MAGI3: variants seen among roughly 807,000 people sequenced by gnomAD.
The protein encoded by MAGI3 is membrane associated guanylate kinase, WW and PDZ domain containing 3.
A neutral mutation model predicts 121.8 loss-of-function variants in MAGI3; 43 were observed. The observed-to-expected ratio is 0.35, with a 90% CI of 0.28 to 0.46. The LOEUF is 0.46. MAGI3 is among the 20% of genes least tolerant of loss of function. The pLI is 1.00. For missense variants in MAGI3, 1,547 were observed against 1,797.3 expected (o/e 0.86, Z 2.52); for synonymous variants, 553 against 639.3 (o/e 0.86, Z 2.04).
chr1:113,587,904 T>C (rs1648475397), intron 4 of MAGI3, among the ~76,000 whole-genome samples: 1 of 152,260 alleles, frequency 6.6e-6, no homozygotes. Context: ...TTTTTCTGCA[T>C]ACAAAATAAA....
chr1:113,668,795 G>C (rs1433844080), intron 16 of MAGI3, among the ~76,000 whole-genome samples: 1 of 150,604 alleles, frequency 6.6e-6, no homozygotes, highest in African/African-American at 2.4e-5. Context: ...TGTTAGCCAG[G>C]ATGGTCTCGA....
intron 1 of MAGI3, among the ~76,000 whole-genome samples, chr1:113,455,243 G>C (rs1169853745): frequency 6.6e-6 from 1 of 152,118 alleles, no homozygotes. Flanking sequence ...CATTTAAAAA[G>C]TTAAAAAGAG....
chr1:113,454,400 A>T (rs1375859125), intron 1 of MAGI3, among the ~76,000 whole-genome samples: 1 of 152,154 alleles, frequency 6.6e-6, no homozygotes, highest in African/African-American at 2.4e-5. Context: ...AATTTCACTT[A>T]GTAGCTGTGT....
intron 19 of MAGI3, among the ~76,000 whole-genome samples, chr1:113,676,428 T>C (rs1428834790): frequency 6.6e-6 from 1 of 152,186 alleles, no homozygotes; most frequent in Non-Finnish European, 1.5e-5. Flanking sequence ...ACATGCTTTA[T>C]GAATGAGCAG....
chr1:113,619,380 C>A (rs532233133), intron 7 of MAGI3, among the ~76,000 whole-genome samples: 1 of 152,016 alleles, frequency 6.6e-6, no homozygotes, highest in African/African-American at 2.4e-5. Flanking sequence ...AAATTAAAAC[C>A]CTTCTATCAT....
intron 1 of MAGI3, among the ~76,000 whole-genome samples, chr1:113,423,283 T>G (rs1652828700): frequency 6.6e-6 from 1 of 151,564 alleles, no homozygotes; most frequent in Admixed American, 6.6e-5. Context: ...TTTTTGTTTT[T>G]GTTTTTGAGA....
At chr1:113,654,122 G>T (rs576541263) in intron 15 of MAGI3, 104 bp downstream of exon 15, 15 of 885,176 alleles carry the variant, frequency 1.7e-5, no homozygotes, top group Non-Finnish European at 2.5e-5. Context: ...AATGCCTTAG[G>T]TACTTATCTT....
intron 14 of MAGI3, among the ~76,000 whole-genome samples, chr1:113,652,659 G>GA (rs1038401387): frequency 5.1e-4 from 71 of 138,414 alleles, no homozygotes; most frequent in South Asian, 1.1e-3. Context: ...TATGCATTTT[G>GA]AAAAAAAAAA....
chr1:113,417,516 G>A (rs1652517437), intron 1 of MAGI3, among the ~76,000 whole-genome samples: 1 of 152,060 alleles, frequency 6.6e-6, no homozygotes, highest in Non-Finnish European at 1.5e-5. Context: ...TGGGCTCATG[G>A]TAGCTTAATT....
intron 2 of MAGI3, among the ~76,000 whole-genome samples, chr1:113,550,081 AC>A: frequency 6.9e-6 from 1 of 145,374 alleles, no homozygotes; most frequent in Non-Finnish European, 1.5e-5. Flanking sequence ...ATGCCACTGC[AC>A]TCCAGCCTGG....
At chr1:113,514,779 TAAAAA>T (rs889511601) in intron 1 of MAGI3, among the ~76,000 whole-genome samples, 7 of 151,982 alleles carry the variant, frequency 4.6e-5, no homozygotes, top group African/African-American at 1.7e-4. Flanking sequence ...AGTATAATAA[TAAAAA>T]AGAAAAGCAA....
At chr1:113,594,652 C>T in intron 6 of MAGI3, 92 bp downstream of exon 6, 1 of 1,056,636 alleles carries the variant, frequency 9.5e-7, no homozygotes, top group Non-Finnish European at 1.4e-6. Context: ...AAACCCTAAA[C>T]AAACCATAAT....
rs756633271 is a variant in MAGI3 at position 113,673,387 on chromosome 1, G to T, written c.3111G>T (p.Gly1037=). Residue 1037 remains glycine (G), a synonymous_variant, in exon 19 of 21, where the codon GGG becomes GGT. Coordinates refer to ENST00000307546, the MANE Select transcript of MAGI3 (RefSeq NM_001142782.2). ...GGGGCTTTGGATTCAGCCTCCGAGG[G>T]GGGAAGGAGTACAACATGGGGCTGT... is the stretch of plus-strand genomic sequence containing the variant. The part of the protein sequence containing the change: ...GPRGFGFSLR[G]GKEYNMGLFI... 5 of 1,612,370 alleles carry T rather than the reference G, an allele frequency of 3.1e-6. No individual in the cohort carries two copies. The East Asian group carries it at 6.7e-5, about 22-fold the overall frequency.
chr1:113,503,252 A>T (rs1657125949), intron 1 of MAGI3, among the ~76,000 whole-genome samples: 1 of 104,278 alleles, frequency 9.6e-6, no homozygotes, highest in African/African-American at 3.5e-5. Flanking sequence ...AAAAAAAAAA[A>T]AAAAAGATCA....
At position 113,440,632 on chromosome 1, in the gene MAGI3, A is replaced by G. The variant is rs1465130554; in HGVS notation, c.316+49283A>G. On this transcript the variant is annotated intron_variant, in intron 1 of 20. Coordinates refer to ENST00000307546, the MANE Select transcript of MAGI3 (RefSeq NM_001142782.2). ...CACTGGAAAAGTGGAGAACAAGTTG[A>G]TTGTGATTAGATCAACAATTATTCT... 2.0e-5 allele frequency among the ~76,000 whole-genome samples: 3 copies of G among 152,160 alleles called. No homozygotes were observed. The East Asian group carries it at 5.8e-4, about 29-fold the overall frequency.
intron 9 of MAGI3, among the ~76,000 whole-genome samples, chr1:113,632,420 T>C (rs766891208): frequency 1.3e-5 from 2 of 152,202 alleles, no homozygotes; most frequent in Non-Finnish European, 2.9e-5. Context: ...TAATACCAGA[T>C]TGAGTTTTTT....
At chr1:113,651,296 C>A in intron 14 of MAGI3, 90 bp downstream of exon 14, 1 of 1,228,412 alleles carries the variant, frequency 8.1e-7, no homozygotes, top group Non-Finnish European at 1.1e-6. Flanking sequence ...TATTTTATTA[C>A]ATTCAGTAGT....
chr1:113,480,359 T>TG lies in MAGI3; in HGVS notation c.317-69150dup, dbSNP rs138526323. On this transcript the variant is annotated intron_variant, in intron 1 of 20. Coordinates refer to ENST00000307546, the MANE Select transcript of MAGI3 (RefSeq NM_001142782.2). ...GGGTCTGTGGGGGCTGGCCTGGTACTGGGGGGAGTTCTACAGTTAAGGGCT... is the reference window on the plus strand; with the variant it reads ...GGGTCTGTGGGGGCTGGCCTGGTACTGGGGGGGAGTTCTACAGTTAAGGGCT... Among the ~76,000 whole-genome samples, 345 of 151,968 alleles carry TG rather than the reference T, an allele frequency of 2.3e-3. 2 individuals are homozygous for TG. The highest frequency in any genetic ancestry group is 8.0e-3 in the African/African-American group (331 of 41,450).
At chr1:113,596,467 C>T (rs949808499) in intron 6 of MAGI3, among the ~76,000 whole-genome samples, 1 of 151,938 alleles carries the variant, frequency 6.6e-6, no homozygotes, top group Non-Finnish European at 1.5e-5. Context: ...AAATATGAAC[C>T]ATAGAAGAAA....
Sources: gnomAD v4.1 joint callset for allele counts (sites outside exome capture counted in the v4.1 genomes callset) on GRCh38, gnomAD v4.1.1 for gene constraint, MANE v1.5 for transcripts, NCBI Gene and HGNC (gene_info 2026-07-23, HGNC 2026-07-21) for gene names.